KLHL11: variants seen among roughly 807,000 people sequenced by gnomAD.
KLHL11 encodes kelch like family member 11.
In KLHL11, 26 loss-of-function variants were observed where a neutral mutation model predicts 56.1. The observed-to-expected ratio is 0.46, with a 90% CI of 0.34 to 0.64. The LOEUF (loss-of-function observed/expected upper bound fraction) is 0.64. KLHL11 is among the 30% of genes least tolerant of loss of function. KLHL11 has a pLI of 0.01. For synonymous variants in KLHL11, 338 were observed against 345.8 expected (o/e 0.98, Z 0.25); for missense variants, 627 against 919.4 (o/e 0.68, Z 4.11).
chr17:41,859,888 A>C (rs1214728877), intron 1 of KLHL11, among the ~76,000 whole-genome samples: 5 of 152,202 alleles, frequency 3.3e-5, no homozygotes, highest in Non-Finnish European at 2.9e-5. Context: ...CAGCCTGAGG[A>C]TAGCCAATTT....
Position 41,865,351 on chromosome 17 carries a change from G to GCCA in KLHL11, c.17_19dup (p.Val6dup). On this transcript the variant is annotated inframe_insertion, in exon 1 of 2. Coordinates refer to ENST00000319121, the MANE Select transcript of KLHL11 (RefSeq NM_018143.3). ...AGCCGCGGCCGCCGCCGCCGCCGCC[G>GCCA]CCACTGCCGCAGCCGCCATCTTGAC... 3 of 1,442,306 alleles carry GCCA rather than the reference G, an allele frequency of 2.1e-6. No individual in the cohort carries two copies. The highest frequency in any genetic ancestry group is 2.9e-5 in the Admixed American group (1 of 34,022). 89.3% of individuals were successfully genotyped at this position (1,442,306 alleles called of 1,614,324 possible). A position where few individuals can be genotyped will look rare whatever the true frequency, so the allele number is the denominator to read the frequency against.
chr17:41,863,173 A>G (rs905250149), intron 1 of KLHL11, among the ~76,000 whole-genome samples: 8 of 142,756 alleles, frequency 5.6e-5, no homozygotes, highest in Non-Finnish European at 1.2e-4. Context: ...CTCCTCCCCA[A>G]TGCCACATCC....
At position 41,854,124 on chromosome 17, in the gene KLHL11, G is replaced by C; in HGVS notation, c.1743C>G (p.Ala581=). The C allele has an allele frequency of 6.2e-7, 1 of 1,614,108 alleles. No individual in the cohort carries two copies. The highest frequency in any genetic ancestry group is 8.5e-7 in the Non-Finnish European group (1 of 1,180,012). The change falls in exon 2 of 2, where the codon GCC becomes GCG. Residue 581 remains alanine, a synonymous_variant. Coordinates refer to ENST00000319121, the MANE Select transcript of KLHL11 (RefSeq NM_018143.3). This position sits in a 1 kb window ranked among gnomAD's most constrained non-coding sequence, Gnocchi z 4.9. ...CAAGGATCTCATCAGACACTTGGCT[G>C]GCAATTTTTCTTACTGCCTCTTCGT... ...LENEEAVRKI[A]SQVSDEILES... is the part of the protein sequence containing the mutation.
rs2048438129 is a variant in KLHL11 at position 41,865,398 on chromosome 17, A to G, written c.-28T>C. The G allele has an allele frequency of 7.6e-7, 1 of 1,309,072 alleles. No individual in the cohort carries two copies. The allele number at this position is 1,309,072 out of a possible 1,614,324, so 81.1% of individuals were successfully genotyped here. ...TGACGCCGCTGCGCCCGGCCTCCACAGCCTCGGAACGATGCGGCTGTTGGT... is the reference window on the plus strand; with the variant it reads ...TGACGCCGCTGCGCCCGGCCTCCACGGCCTCGGAACGATGCGGCTGTTGGT... On this transcript the variant is annotated 5_prime_UTR_variant, in exon 1 of 2. Transcript: ENST00000319121.
intron 1 of KLHL11, among the ~76,000 whole-genome samples, chr17:41,863,026 C>A (rs986949202): frequency 1.3e-5 from 2 of 151,980 alleles, no homozygotes; most frequent in Admixed American, 6.6e-5. Flanking sequence ...TCAGCAAATT[C>A]ATCTCATCCA....
At chr17:41,864,494 C>T (rs1048088223) in intron 1 of KLHL11, among the ~76,000 whole-genome samples, 1 of 152,274 alleles carries the variant, frequency 6.6e-6, no homozygotes, top group African/African-American at 2.4e-5. Flanking sequence ...AACTTCACCT[C>T]TTCAGAAAGA....
chr17:41,855,840 T>C (rs4796724), intron 1 of KLHL11, among the ~76,000 whole-genome samples: 127,984 of 144,170 alleles, frequency 0.89, 56,699 homozygotes, highest in East Asian at 0.98. Flanking sequence ...CCCAGCTAAT[T>C]TTTGTACTTT....
At chr17:41,864,499 G>A in intron 1 of KLHL11, among the ~76,000 whole-genome samples, 1 of 152,242 alleles carries the variant, frequency 6.6e-6, no homozygotes. Flanking sequence ...CACCTCTTCA[G>A]AAAGATCTTT....
At position 41,849,809 on chromosome 17, in the gene KLHL11, T is replaced by C. The variant is rs1244183498; in HGVS notation, c.*3931A>G. 6.6e-6 allele frequency: 1 copy of C among 152,124 alleles called. No individual in the cohort carries two copies. The highest frequency in any genetic ancestry group is 1.5e-5 in the Non-Finnish European group (1 of 68,020). The allele number at this position is 152,124 out of a possible 1,614,324, so 9.4% of individuals were successfully genotyped here. On this transcript the variant is annotated 3_prime_UTR_variant, in exon 2 of 2. Coordinates refer to ENST00000319121, the MANE Select transcript of KLHL11 (RefSeq NM_018143.3). ...TGACATTCTCAATATATACCACTGA[T>C]TTTTTTAAGCCATGGTGGGGTAGAT...
Position 41,854,802 on chromosome 17 carries a change from C to T in KLHL11, c.1065G>A (p.Gly355=), listed in dbSNP as rs1300395711. Residue 355 remains glycine, a synonymous_variant, in exon 2 of 2, where the codon GGG becomes GGA. Coordinates refer to ENST00000319121, the MANE Select transcript of KLHL11 (RefSeq NM_018143.3). This position sits in a 1 kb window ranked among gnomAD's most constrained non-coding sequence, Gnocchi z 4.9. Reference sequence around the variant, plus strand: ...TAACCATGATCACATCCATGTTTTGCCCATAACGAGGCAATAGTGACACAT... The same window carrying T: ...TAACCATGATCACATCCATGTTTTGTCCATAACGAGGCAATAGTGACACAT... The part of the protein sequence containing the change: ...TSHVSLLPRY[G]QNMDVIMVIG... 1.2e-6 allele frequency: 2 copies of T among 1,614,058 alleles called. No homozygotes were observed. Among genetic ancestry groups the T allele is most frequent in the Non-Finnish European group, 1.7e-6 (2 of 1,180,046 alleles).
At position 41,853,781 on chromosome 17, in the gene KLHL11, G is replaced by A; in HGVS notation, c.2086C>T (p.Leu696=). The change falls in exon 2 of 2, where the codon CTG becomes TTG. Residue 696 remains leucine (L), a synonymous_variant. Transcript: ENST00000319121. The part of the protein sequence containing the change: ...RQMQEIHRHA[L]NMRRVPSSQI... ...GAGCTTGGCACTCGCCTCATGTTCA[G>A]GGCGTGACGATGTATCTCTTGCATC... 6.2e-7 allele frequency: 1 copy of A among 1,614,082 alleles called. No homozygotes were observed. Among genetic ancestry groups the A allele is most frequent in the Non-Finnish European group, 8.5e-7 (1 of 1,179,956 alleles).
chr17:41,865,288 G>A lies in KLHL11; in HGVS notation c.83C>T (p.Thr28Met). 1 of 1,568,278 alleles carries A rather than the reference G, an allele frequency of 6.4e-7. No individual in the cohort carries two copies. The highest frequency in any genetic ancestry group is 1.2e-5 in the South Asian group (1 of 85,922). Residue 28 changes from threonine (T) to methionine (M), a missense_variant, in exon 1 of 2, where the codon ACG becomes ATG. Thr to Met is a moderately conservative substitution (Grantham distance 81). This residue lies in a region of KLHL11 where 121 missense variants were observed against 116.2 expected (regional missense o/e 1.04). Coordinates refer to ENST00000319121, the MANE Select transcript of KLHL11 (RefSeq NM_018143.3). ...LQVLEMESMETAAAGSAGLAA... is the reference protein window; with the variant it reads ...LQVLEMESMEMAAAGSAGLAA... The stretch of plus-strand genomic sequence containing the variant: ...CAGTCCTGCCGAGCCGGCGGCGGCC[G>A]TCTCCATGCTCTCCATCTCCAGTAC...
Position 41,853,713 on chromosome 17 carries a change from AG to A in KLHL11, c.*26del. 2.5e-6 allele frequency: 4 copies of A among 1,577,210 alleles called. No homozygotes were observed. In the South Asian group the frequency reaches 4.7e-5, roughly 18 times the overall value. ...TTCAGCTTCACGAAACGGGTGTAAC[AG>A]TTTTAATCGGCACGCTTGAGAGAAC... On this transcript the variant is annotated 3_prime_UTR_variant, in exon 2 of 2. Coordinates refer to ENST00000319121, the MANE Select transcript of KLHL11 (RefSeq NM_018143.3).
intron 1 of KLHL11, among the ~76,000 whole-genome samples, chr17:41,860,892 C>T (rs782375980): frequency 2.6e-5 from 4 of 152,126 alleles, no homozygotes; most frequent in Non-Finnish European, 4.4e-5. Flanking sequence ...AAAATATACT[C>T]ATTTGACATA....
At position 41,848,553 on chromosome 17, in the gene KLHL11, G is replaced by C. The variant is rs904993136; in HGVS notation, c.*5187C>G. 4.6e-6 allele frequency: 2 copies of C among 431,438 alleles called. No individual in the cohort carries two copies. Among genetic ancestry groups the C allele is most frequent in the East Asian group, 4.2e-5 (1 of 23,990 alleles). 26.7% of individuals were successfully genotyped at this position (431,438 alleles called of 1,614,324 possible). ...TATGTTTATTTAAAACTTACACTGA[G>C]ACAATTAGTAGCTTTAACAGAGAAC... On this transcript the variant is annotated 3_prime_UTR_variant, in exon 2 of 2. Coordinates refer to ENST00000319121, the MANE Select transcript of KLHL11 (RefSeq NM_018143.3).
intron 1 of KLHL11, among the ~76,000 whole-genome samples, chr17:41,855,694 CAG>C (rs1261338184): frequency 2.3e-5 from 3 of 130,900 alleles, no homozygotes; most frequent in African/African-American, 8.7e-5. Context: ...TTTTTTGAGA[CAG>C]AGTCTCACTT....
rs1555621821 is a variant in KLHL11 at position 41,848,951 on chromosome 17, C to G, written c.*4789G>C. ...AGCCCTACAAGTGTAATAAACAAAC[C>G]GCAGTGATTTTGCTATCTAATTAAA... On this transcript the variant is annotated 3_prime_UTR_variant, in exon 2 of 2. Coordinates refer to ENST00000319121, the MANE Select transcript of KLHL11 (RefSeq NM_018143.3). 2 of 152,212 alleles carry G rather than the reference C, an allele frequency of 1.3e-5. No homozygotes were observed. The highest frequency in any genetic ancestry group is 4.8e-5 in the African/African-American group (2 of 41,420). 9.4% of individuals were successfully genotyped at this position (152,212 alleles called of 1,614,324 possible).
chr17:41,856,662 T>C (rs568899845), intron 1 of KLHL11, among the ~76,000 whole-genome samples: 52 of 148,864 alleles, frequency 3.5e-4, no homozygotes, highest in Middle Eastern at 7.4e-3. Flanking sequence ...AAGCTGAGGG[T>C]CGCTTGAGCC....
Position 41,855,270 on chromosome 17 carries a change from T to C in KLHL11, c.597A>G (p.Lys199=), listed in dbSNP as rs1399504239. The stretch of plus-strand genomic sequence containing the variant: ...TTGCCACACAATTTGAGAGATGAAG[T>C]TTTTTCTTGAGAAATTCTCCACAAA... ...KEFCGEFLKK[K]LHLSNCVAIH... Residue 199 remains lysine (K), a synonymous_variant, in exon 2 of 2, where the codon AAA becomes AAG. Coordinates refer to ENST00000319121, the MANE Select transcript of KLHL11 (RefSeq NM_018143.3). 1 of 1,600,084 alleles carries C rather than the reference T, an allele frequency of 6.2e-7. No homozygotes were observed. Among genetic ancestry groups the C allele is most frequent in the African/African-American group, 1.3e-5 (1 of 74,590 alleles).
Sources: allele counts gnomAD v4.1 joint callset (sites outside exome capture counted in the v4.1 genomes callset), GRCh38; gene constraint gnomAD v4.1.1; regional missense constraint gnomAD v4.1.1; non-coding constraint Gnocchi (gnomAD v3.1); transcripts MANE v1.5; gene names NCBI Gene and HGNC (gene_info 2026-07-23, HGNC 2026-07-21).